Variants in ZFHX3 observed in about 807,000 individuals in gnomAD.
ZFHX3 encodes the protein zinc finger homeobox 3, also known as zinc finger homeobox protein 3.
In ZFHX3, 42 loss-of-function variants were observed where a neutral mutation model predicts 279.1. The ratio of observed to expected loss-of-function variants is 0.15; its 90% CI spans 0.12 to 0.19. ZFHX3 has a LOEUF of 0.19. Among genes scored for constraint, ZFHX3 ranks in the 10% least tolerant of loss-of-function variants. The probability of loss-of-function intolerance (pLI) is 1.00; values close to 1 mark genes in which losing one functional copy is unlikely to be tolerated. For missense variants in ZFHX3, 4,981 were observed against 4,754.0 expected, an observed-to-expected ratio of 1.05 and a Z score of -1.40; for synonymous variants, 2,293 against 1,957.8, an observed-to-expected ratio of 1.17 and a Z score of -4.52.
chr16:73,136,732 A>G (rs1480214123), intron 6 of ZFHX3, among the ~76,000 whole-genome samples: 1 of 150,512 alleles, frequency 6.6e-6, no homozygotes, highest in Non-Finnish European at 1.5e-5. Flanking sequence ...CCTCAAAAAA[A>G]AAAAAAAAAA....
chr16:73,607,458 C>T (rs1019528147), intron 2 of ZFHX3, among the ~76,000 whole-genome samples: 3 of 152,168 alleles, frequency 2.0e-5, no homozygotes, highest in East Asian at 1.9e-4. Flanking sequence ...GATACCTGCA[C>T]GCGTATGTTC....
rs61735550 is a variant in ZFHX3, at chr16:72,958,322, G to A, written c.1824C>T (p.Ser608=). Residue 608 remains serine (S), a synonymous_variant, in exon 2 of 10, where the codon AGC becomes AGT. Coordinates refer to ENST00000268489, the MANE Select transcript of ZFHX3 (RefSeq NM_006885.4). ...CGAAGCCCCCATCGTCACCCTCTGTGCTTTCATTTGGTTCTGGTGCTGTGG... is the reference window on the plus strand; with the variant it reads ...CGAAGCCCCCATCGTCACCCTCTGTACTTTCATTTGGTTCTGGTGCTGTGG... The part of the protein sequence containing the change: ...DNATAPEPNE[S]TEGDDGGFVP... The A allele has an allele frequency of 0.23, 369,923 of 1,613,898 alleles. 48,066 individuals carry two copies. The highest frequency in any genetic ancestry group is 0.27 in the Non-Finnish European group (317,116 of 1,179,788).
At chr16:73,881,455 T>A (rs1424044806) in intron 1 of ZFHX3, among the ~76,000 whole-genome samples, 80 of 40,238 alleles carry the variant, frequency 2.0e-3, no homozygotes, top group Non-Finnish European at 2.3e-3. Flanking sequence ...ACACACACAC[T>A]CTCTCTCTCT....
At chr16:73,310,684 A>G (rs750990466) in intron 4 of ZFHX3, among the ~76,000 whole-genome samples, 3 of 152,232 alleles carry the variant, frequency 2.0e-5, no homozygotes, top group Non-Finnish European at 4.4e-5. Flanking sequence ...AGAAACTGAT[A>G]TACACCAAGG....
intron 2 of ZFHX3, among the ~76,000 whole-genome samples, chr16:73,532,580 G>A (rs994914275): frequency 2.6e-5 from 4 of 152,182 alleles, no homozygotes; most frequent in East Asian, 1.9e-4. Flanking sequence ...GAGGAGGGCT[G>A]GAACTAAGCT....
chr16:73,696,854 A>G (rs772068088), intron 1 of ZFHX3, among the ~76,000 whole-genome samples: 7 of 152,144 alleles, frequency 4.6e-5, no homozygotes, highest in Non-Finnish European at 1.0e-4. Context: ...CTATTTAAAC[A>G]TAGGTTGTGA....
intron 5 of ZFHX3, among the ~76,000 whole-genome samples, chr16:73,149,213 T>C (rs968834701): frequency 1.4e-5 from 2 of 147,434 alleles, no homozygotes; most frequent in African/African-American, 2.5e-5. Context: ...TTTTATCCTA[T>C]TAATTATATT....
chr16:73,628,180 T>G (rs1333008127), intron 2 of ZFHX3, among the ~76,000 whole-genome samples: 1 of 152,226 alleles, frequency 6.6e-6, no homozygotes, highest in Non-Finnish European at 1.5e-5. Context: ...AGGAATGCAG[T>G]CTATAAGCTT....
At chr16:73,179,927 G>C (rs1967754770) in intron 5 of ZFHX3, among the ~76,000 whole-genome samples, 1 of 152,054 alleles carries the variant, frequency 6.6e-6, no homozygotes. Context: ...TTACCTAAGA[G>C]GACTGAGAAA....
intron 3 of ZFHX3, among the ~76,000 whole-genome samples, chr16:72,943,469 T>C (rs532088801): frequency 1.9e-4 from 29 of 151,702 alleles, no homozygotes; most frequent in Non-Finnish European, 3.4e-4. Flanking sequence ...GAGGCGGAGG[T>C]TGCAATGAGC....
intron 3 of ZFHX3, among the ~76,000 whole-genome samples, chr16:72,948,500 G>A (rs1042365387): frequency 1.3e-5 from 2 of 152,176 alleles, no homozygotes; most frequent in African/African-American, 2.4e-5. Flanking sequence ...GGTGTGATCC[G>A]TGGACACAGT....
intron 5 of ZFHX3, among the ~76,000 whole-genome samples, chr16:72,819,191 C>T (rs970698109): frequency 9.9e-5 from 15 of 152,128 alleles, no homozygotes; most frequent in African/African-American, 2.4e-4. Context: ...CACTCTTCAT[C>T]GTGACCCTGC....
chr16:73,732,791 G>A (rs959247846), intron 1 of ZFHX3, among the ~76,000 whole-genome samples: 5 of 152,110 alleles, frequency 3.3e-5, no homozygotes, highest in African/African-American at 1.2e-4. Context: ...TATGCATTTC[G>A]GAAAAGCTAG....
chr16:73,028,513 G>T (rs983935850), intron 1 of ZFHX3, among the ~76,000 whole-genome samples: 6 of 152,196 alleles, frequency 3.9e-5, no homozygotes, highest in African/African-American at 1.4e-4. Flanking sequence ...CAACCCACAG[G>T]CTAAGGATGC....
intron 2 of ZFHX3, among the ~76,000 whole-genome samples, chr16:73,465,410 C>A (rs1329980563): frequency 1.3e-5 from 2 of 152,178 alleles, no homozygotes; most frequent in South Asian, 4.1e-4. Flanking sequence ...CAGGAGGGAC[C>A]TGTCCACCCT....
chr16:73,796,665 G>C (rs1188447083), intron 1 of ZFHX3: 4 of 152,286 alleles, frequency 2.6e-5, no homozygotes, highest in Non-Finnish European at 4.4e-5. Context: ...GACAGCAGCA[G>C]GTCAAGGTCA....
chr16:72,949,911 C>CTTTTTTT (rs774934563), intron 3 of ZFHX3, among the ~76,000 whole-genome samples: 52 of 116,038 alleles, frequency 4.5e-4, no homozygotes, highest in East Asian at 1.3e-3. Flanking sequence ...ATTTTCTTTT[C>CTTTTTTT]TTTTTTTTTT....
chr16:73,344,265 A>G (rs1167897861), intron 3 of ZFHX3, among the ~76,000 whole-genome samples: 1 of 152,160 alleles, frequency 6.6e-6, no homozygotes, highest in Non-Finnish European at 1.5e-5. Flanking sequence ...TTCTGCCAAA[A>G]ATTCATCACC....
At chr16:72,803,616 C>T (rs577367754) in intron 7 of ZFHX3, among the ~76,000 whole-genome samples, 21 of 152,234 alleles carry the variant, frequency 1.4e-4, no homozygotes, top group East Asian at 3.9e-4. Flanking sequence ...AAGAGCCAAA[C>T]GAAAAAAGTT....
Sources: allele counts gnomAD v4.1 joint callset (sites outside exome capture counted in the v4.1 genomes callset), GRCh38; gene constraint gnomAD v4.1.1; transcripts MANE v1.5; gene names NCBI Gene and HGNC (gene_info 2026-07-23, HGNC 2026-07-21).